The following FAM193A variants were observed in gnomAD, a reference collection of about 807,000 sequenced individuals.
FAM193A encodes protein FAM193A.
In FAM193A, 22 loss-of-function variants were observed where a neutral mutation model predicts 126.5. That is an observed-to-expected ratio of 0.17 (90% CI 0.12 to 0.25). The LOEUF (loss-of-function observed/expected upper bound fraction) is 0.25, where lower values mean the gene tolerates loss of function less well. Ranked by LOEUF, FAM193A falls within the 10% of genes least tolerant of loss-of-function variation. FAM193A has a pLI of 1.00. For missense variants in FAM193A, 1,675 were observed against 1,672.8 expected, an observed-to-expected ratio of 1.00 and a Z score of -0.02; for synonymous variants, 761 against 646.8, an observed-to-expected ratio of 1.18 and a Z score of -2.68.
chr4:2,731,196 C>CAAAAAAAAAAA (rs546217602), intron 20 of FAM193A, among the ~76,000 whole-genome samples: 1 of 86,870 alleles, frequency 1.2e-5, no homozygotes, highest in African/African-American at 6.1e-5. Flanking sequence ...AACTCCTTCT[C>CAAAAAAAAAAA]AAAAAAAAAA....
chr4:2,600,132 A>G (rs1289484987), intron 2 of FAM193A, among the ~76,000 whole-genome samples: 2 of 152,174 alleles, frequency 1.3e-5, no homozygotes, highest in African/African-American at 4.8e-5. Context: ...TCCTGGCCTC[A>G]AATGATCTAC....
intron 2 of FAM193A, among the ~76,000 whole-genome samples, chr4:2,609,726 G>A (rs936608784): frequency 7.2e-5 from 11 of 151,946 alleles, no homozygotes; most frequent in South Asian, 2.1e-4. Context: ...TCAGGAGATC[G>A]AGACCATCCT....
rs759208317 is a variant in FAM193A, at chr4:2,700,073, G to A, written c.3901G>A (p.Asp1301Asn). The change falls in exon 19 of 21, where the codon GAC (aspartate) becomes AAC (asparagine). Residue 1301 changes from aspartate to asparagine, a missense_variant. Around this residue, in one of 4 missense-constraint regions of FAM193A, gnomAD observed 415 missense variants for 396.7 expected, o/e 1.05. Transcript: ENST00000637812. ...TGATGGGGATGCTGCAGACCCCGTC[G>A]ACACCAGAGACTCCAAATTTCTCCT... Reference protein sequence around the residue: ...GADGDAADPVDTRDSKFLLPK... With the variant: ...GADGDAADPVNTRDSKFLLPK... The A allele has an allele frequency of 2.9e-5, 47 of 1,613,742 alleles. No individual in the cohort carries two copies. The highest frequency in any genetic ancestry group is 4.5e-5 in the East Asian group (2 of 44,872).
At chr4:2,589,851 TATA>T (rs1164224823) in intron 1 of FAM193A, among the ~76,000 whole-genome samples, 2 of 152,164 alleles carry the variant, frequency 1.3e-5, no homozygotes, top group African/African-American at 4.8e-5. Flanking sequence ...AAAGATCATG[TATA>T]GGCTGGGCTT....
chr4:2,678,462 A>G (rs1370662203), intron 13 of FAM193A, among the ~76,000 whole-genome samples: 1 of 149,456 alleles, frequency 6.7e-6, no homozygotes, highest in African/African-American at 2.5e-5. Context: ...ACCCAGGTTC[A>G]AGCGATACTC....
rs1343309686 is a variant in FAM193A at position 2,596,305 on chromosome 4, G to T, written c.477G>T (p.Arg159Ser). The part of the protein sequence containing the change: ...DCRRTVEKEE[R>S]HGGLDQPVSQ... ...GCAGGACCGTGGAGAAGGAGGAGAG[G>T]CATGGCGGCCTTGACCAGCCAGTGG... Residue 159 changes from arginine to serine, a missense_variant, in exon 2 of 21, where the codon AGG becomes AGT. This residue lies in a region of FAM193A where 1,186 missense variants were observed against 1,109.2 expected (regional missense o/e 1.07). Transcript: ENST00000637812. The T allele has an allele frequency of 1.4e-6, 1 of 702,720 alleles. No individual in the cohort carries two copies. Among genetic ancestry groups the T allele is most frequent in the East Asian group, 2.7e-5 (1 of 37,290 alleles). The allele number at this position is 702,720 out of a possible 1,614,324, so 43.5% of individuals were successfully genotyped here. A position where few individuals can be genotyped will look rare whatever the true frequency, so the allele number is the denominator to read the frequency against.
At chr4:2,567,041 G>A (rs1298563558) in intron 1 of FAM193A, among the ~76,000 whole-genome samples, 3 of 150,594 alleles carry the variant, frequency 2.0e-5, no homozygotes, top group Non-Finnish European at 4.4e-5. Context: ...CCAGGTTCAC[G>A]CCATTCTCCT....
intron 7 of FAM193A, among the ~76,000 whole-genome samples, chr4:2,656,320 C>T (rs2109090510): frequency 6.6e-6 from 1 of 152,268 alleles, no homozygotes; most frequent in South Asian, 2.1e-4. Context: ...AACTATAGAT[C>T]TTGTCTGCCT....
intron 8 of FAM193A, 85 bp from the exon 9 acceptor site, chr4:2,659,473 C>G: frequency 3.3e-6 from 3 of 921,706 alleles, no homozygotes; most frequent in Non-Finnish European, 5.2e-6. Context: ...GAACATGATA[C>G]ATGTCAGCAG....
At chr4:2,604,084 C>T (rs868382943) in intron 2 of FAM193A, among the ~76,000 whole-genome samples, 4 of 152,014 alleles carry the variant, frequency 2.6e-5, no homozygotes, top group African/African-American at 9.7e-5. Context: ...CTCAGGTGAT[C>T]CGCCCGCCTC....
chr4:2,609,985 A>T (rs946601946), intron 2 of FAM193A, among the ~76,000 whole-genome samples: 2 of 151,338 alleles, frequency 1.3e-5, no homozygotes, highest in African/African-American at 4.9e-5. Flanking sequence ...TAATCCCAGC[A>T]TTTTGGGAGG....
At chr4:2,601,706 TAGAA>T (rs955341955) in intron 2 of FAM193A, among the ~76,000 whole-genome samples, 16 of 150,944 alleles carry the variant, frequency 1.1e-4, no homozygotes, top group African/African-American at 3.9e-4. Context: ...CTGGCTAACA[TAGAA>T]AGACTCTGTC....
At chr4:2,654,378 A>ATTTTTTTTTTTTTTTTTTTTT (rs372926172) in intron 7 of FAM193A, 5 of 114,588 alleles carry the variant, frequency 4.4e-5, no homozygotes, top group African/African-American at 6.8e-5. Flanking sequence ...TGCCTGGCTA[A>ATTTTTTTTTTTTTTTTTTTTT]TTTTTTTTTT....
intron 19 of FAM193A, among the ~76,000 whole-genome samples, chr4:2,709,792 C>G (rs17825741): frequency 0.028 from 4,232 of 152,264 alleles, 76 homozygotes; most frequent in South Asian, 0.068. Context: ...TTGGGACCAT[C>G]CAGGCTTTAA....
intron 6 of FAM193A, among the ~76,000 whole-genome samples, chr4:2,644,399 CTG>C (rs1043738642): frequency 1.3e-5 from 2 of 152,088 alleles, no homozygotes; most frequent in African/African-American, 4.8e-5. Flanking sequence ...AAGCTGGATT[CTG>C]TGTGAAGAAT....
intron 2 of FAM193A, among the ~76,000 whole-genome samples, chr4:2,617,240 T>TTATATATATATA (rs1553895142): frequency 2.8e-5 from 1 of 35,242 alleles, no homozygotes; most frequent in African/African-American, 2.7e-4. Flanking sequence ...TATGTTTTTA[T>TTATATATATATA]TATATATATA....
At chr4:2,643,823 C>A (rs953543004) in intron 6 of FAM193A, among the ~76,000 whole-genome samples, 6 of 152,148 alleles carry the variant, frequency 3.9e-5, no homozygotes, top group African/African-American at 1.4e-4. Context: ...CCTGGCAGGC[C>A]AAGGCGTAGG....
At position 2,693,487 on chromosome 4, in the gene FAM193A, A is replaced by G. The variant is rs896548686; in HGVS notation, c.2804-99A>G. ...AGGTCGTGAAGATGAAGCAAGGTGA[A>G]GGATGAATGGGTACTCTTTGTGTGT... is the stretch of plus-strand genomic sequence containing the variant. On this transcript the variant is annotated intron_variant, in intron 15 of 20. Coordinates refer to ENST00000637812, the MANE Select transcript of FAM193A (RefSeq NM_001366318.2). 3.6e-6 allele frequency: 4 copies of G among 1,125,634 alleles called. No homozygotes were observed. The African/African-American group carries it at 6.2e-5, about 17-fold the overall frequency. The allele number at this position is 1,125,634 out of a possible 1,614,324, so 69.7% of individuals were successfully genotyped here.
intron 2 of FAM193A, among the ~76,000 whole-genome samples, chr4:2,608,595 A>G (rs573452096): frequency 5.3e-5 from 8 of 152,314 alleles, no homozygotes; most frequent in African/African-American, 4.8e-5. Context: ...CTTTGCCACC[A>G]GAGTCCTGTG....
Sources: gnomAD v4.1 joint callset for allele counts (sites outside exome capture counted in the v4.1 genomes callset) on GRCh38, gnomAD v4.1.1 for gene constraint, gnomAD v4.1.1 regional missense constraint, MANE v1.5 for transcripts, NCBI Gene and HGNC (gene_info 2026-07-23, HGNC 2026-07-21) for gene names.